GPALPP1: variants seen among roughly 807,000 people sequenced by gnomAD.
GPALPP1 encodes GPALPP motifs containing 1.
GPALPP1 carries 30 observed loss-of-function variants against 38.9 expected under a neutral mutation model. The observed-to-expected ratio is 0.77, with a 90% confidence interval of 0.58 to 1.05. GPALPP1 has a LOEUF of 1.05. GPALPP1 is among the 50% of genes least tolerant of loss of function. GPALPP1 has a pLI of 0.00. For synonymous variants in GPALPP1, 120 were observed against 139.2 expected (o/e 0.86, Z 0.97); for missense variants, 384 against 408.8 (o/e 0.94, Z 0.52).
At chr13:45,036,480 T>C (rs1876401141) in exon 8 of GPALPP1, 2 of 152,310 alleles carry the variant, frequency 1.3e-5, no homozygotes, top group South Asian at 4.1e-4. Flanking sequence ...GGTCTCTACC[T>C]TATGACTATT....
Position 45,015,574 on chromosome 13 carries a change from C to A in GPALPP1, c.683C>A (p.Ala228Asp). ...GDRSIWTDTP[A>D]DRERKAKETQ... ...CGATCAATCTGGACAGATACTCCAG[C>A]TGATAGGGAAAGGAAAGCTAAGGTG... is the stretch of plus-strand genomic sequence containing the variant. Residue 228 changes from alanine (A) to aspartate (D), a missense_variant, in exon 6 of 8, where the codon GCT (alanine) becomes GAT (aspartate). Coordinates refer to ENST00000379151, the MANE Select transcript of GPALPP1 (RefSeq NM_018559.5). The A allele has an allele frequency of 6.4e-7, 1 of 1,554,098 alleles. No individual in the cohort carries two copies. Among genetic ancestry groups the A allele is most frequent in the Non-Finnish European group, 8.7e-7 (1 of 1,152,212 alleles).
downstream of GPALPP1, among the ~76,000 whole-genome samples, chr13:45,032,696 G>A (rs370727831): frequency 2.0e-3 from 287 of 145,178 alleles, no homozygotes; most frequent in Non-Finnish European, 2.9e-3. Flanking sequence ...GTGAGCCACC[G>A]CGCCTGGCCT....
At chr13:45,036,790 T>A (rs913392032) in exon 8 of GPALPP1, 27 of 151,730 alleles carry the variant, frequency 1.8e-4, no homozygotes, top group African/African-American at 6.1e-4. Flanking sequence ...TACAAAAAAA[T>A]AAAAATTAAA....
chr13:45,000,415 A>G (rs904987663), intron 1 of GPALPP1, among the ~76,000 whole-genome samples: 1 of 152,236 alleles, frequency 6.6e-6, no homozygotes, highest in Non-Finnish European at 1.5e-5. Context: ...ACAGAGCAAG[A>G]CTAAATAAAT....
chr13:45,036,737 G>A (rs760673461), exon 8 of GPALPP1: 3 of 152,190 alleles, frequency 2.0e-5, no homozygotes, highest in Non-Finnish European at 2.9e-5. Flanking sequence ...TTGAGGGCCA[G>A]GAGTTCAAGA....
rs1445422871 is a variant in GPALPP1, at chr13:44,994,468, GCTACT to G, written c.88+4728_88+4732del. 6.6e-5 allele frequency among the ~76,000 whole-genome samples: 10 copies of G among 152,202 alleles called. No homozygotes were observed. In the South Asian group the frequency reaches 1.9e-3, roughly 28 times the overall value. On this transcript the variant is annotated intron_variant, in intron 1 of 7. Transcript: ENST00000379151. Reference sequence around the variant, plus strand: ...GTGGTGGTGCATGCCTGTAATCCCAGCTACTCGGGAGGCTGAGGCAGGAGAATTGA... The same window carrying G: ...GTGGTGGTGCATGCCTGTAATCCCAGCGGGAGGCTGAGGCAGGAGAATTGA...
At chr13:44,991,550 C>T (rs1329846142) in intron 1 of GPALPP1, among the ~76,000 whole-genome samples, 1 of 152,224 alleles carries the variant, frequency 6.6e-6, no homozygotes, top group Non-Finnish European at 1.5e-5. Flanking sequence ...ACATAATCTC[C>T]CCTGCTATAA....
intron 3 of GPALPP1, among the ~76,000 whole-genome samples, chr13:45,008,393 C>T (rs1232640755): frequency 1.3e-5 from 2 of 152,178 alleles, no homozygotes; most frequent in African/African-American, 4.8e-5. Flanking sequence ...CCTAAGGTAT[C>T]TTTCACGGGA....
At chr13:45,032,169 G>A (rs1445463775), downstream of GPALPP1, 1 of 152,074 alleles carries the variant, frequency 6.6e-6, no homozygotes, top group African/African-American at 2.4e-5. Flanking sequence ...AACAAAACAC[G>A]AGAGATGGTG....
downstream of GPALPP1, among the ~76,000 whole-genome samples, chr13:45,032,474 C>T (rs538194375): frequency 1.4e-4 from 21 of 151,894 alleles, no homozygotes; most frequent in East Asian, 3.8e-3. Flanking sequence ...GGCGTGATCT[C>T]GGCTCACTGC....
At chr13:44,994,148 T>C (rs1873068035) in intron 1 of GPALPP1, among the ~76,000 whole-genome samples, 2 of 135,876 alleles carry the variant, frequency 1.5e-5, no homozygotes, top group Non-Finnish European at 3.1e-5. Flanking sequence ...AGCCCAGGAG[T>C]TGGAGGTTGT....
chr13:45,001,400 C>G (rs1054686473), intron 1 of GPALPP1, among the ~76,000 whole-genome samples: 4 of 152,112 alleles, frequency 2.6e-5, no homozygotes, highest in African/African-American at 9.7e-5. Flanking sequence ...CCCTATACAC[C>G]CTAGTATGCC....
At chr13:44,996,796 TTTTTTTTTTTTTTC>T (rs1452053420) in intron 1 of GPALPP1, among the ~76,000 whole-genome samples, 1 of 146,648 alleles carries the variant, frequency 6.8e-6, no homozygotes, top group African/African-American at 2.5e-5. Flanking sequence ...TTTTTTTTTT[TTTTTTTTTTTTTTC>T]CAGTTTTTAA....
chr13:45,035,144 G>C (rs1593415055), downstream of GPALPP1: 2 of 152,518 alleles, frequency 1.3e-5, no homozygotes, highest in Admixed American at 1.3e-4. Flanking sequence ...TATTAGTAGA[G>C]ACGGGGTTTC....
intron 1 of GPALPP1, among the ~76,000 whole-genome samples, chr13:44,999,703 C>A (rs1490254248): frequency 6.6e-6 from 1 of 152,154 alleles, no homozygotes; most frequent in Non-Finnish European, 1.5e-5. Context: ...CCTCAGCCTC[C>A]TGAGTAGCTG....
chr13:45,000,283 A>G (rs924954406), intron 1 of GPALPP1, among the ~76,000 whole-genome samples: 1 of 152,198 alleles, frequency 6.6e-6, no homozygotes, highest in Non-Finnish European at 1.5e-5. Flanking sequence ...TTTAAAAATT[A>G]TCTGTGCATG....
rs1875168936 is a variant in GPALPP1 at position 45,019,078 on chromosome 13, TA to T, written c.706-1251del. ...AAATATATACATATAAATATATACA[TA>T]TAAATATATGTATATATATTTATAT... On this transcript the variant is annotated intron_variant, in intron 6 of 7. Coordinates refer to ENST00000379151, the MANE Select transcript of GPALPP1 (RefSeq NM_018559.5). 2.3e-5 allele frequency among the ~76,000 whole-genome samples: 3 copies of T among 129,704 alleles called. 1 individual carries two copies. The highest frequency in any genetic ancestry group is 7.2e-3 in the Middle Eastern group (2 of 278). The allele number at this position is 129,704 out of a possible 152,430, so 85.1% of individuals were successfully genotyped here.
chr13:45,006,159 A>C, intron 2 of GPALPP1, 43 bp from the exon 3 acceptor site: 2 of 1,155,834 alleles, frequency 1.7e-6, no homozygotes, highest in South Asian at 1.4e-5. Context: ...TTGTGAAAAA[A>C]ATTTTGACAT....
At chr13:45,020,870 G>A (rs576392743) in intron 7 of GPALPP1, among the ~76,000 whole-genome samples, 13 of 151,620 alleles carry the variant, frequency 8.6e-5, no homozygotes, top group African/African-American at 1.5e-4. Context: ...CACATTTTAC[G>A]TATTAAATTA....
Sources: allele counts gnomAD v4.1 joint callset (sites outside exome capture counted in the v4.1 genomes callset), GRCh38; gene constraint gnomAD v4.1.1; transcripts MANE v1.5; gene names NCBI Gene and HGNC (gene_info 2026-07-23, HGNC 2026-07-21).